Variants in ATXN1 observed in about 807,000 individuals in gnomAD.
ATXN1 encodes the protein ataxin 1.
A neutral mutation model predicts 56.4 loss-of-function variants in ATXN1; 8 were observed. The ratio of observed to expected loss-of-function variants is 0.14; its 90% CI spans 0.08 to 0.26. The LOEUF (loss-of-function observed/expected upper bound fraction) is 0.26, where lower values mean the gene tolerates loss of function less well. ATXN1 is among the 10% of genes least tolerant of loss of function. The probability of loss-of-function intolerance (pLI) is 1.00; values close to 1 mark genes in which losing one functional copy is unlikely to be tolerated. For synonymous variants in ATXN1, 514 were observed against 494.6 expected, an observed-to-expected ratio of 1.04 and a Z score of -0.52; for missense variants, 987 against 1,106.5, an observed-to-expected ratio of 0.89 and a Z score of 1.53.
At chr6:16,589,078 C>T (rs1049653349) in intron 3 of ATXN1, among the ~76,000 whole-genome samples, 2 of 152,086 alleles carry the variant, frequency 1.3e-5, no homozygotes, top group Non-Finnish European at 2.9e-5. Context: ...CTGTTCCCCC[C>T]ACACATCATC....
At chr6:16,673,020 C>CAAAAAAAAA (rs559212594) in intron 2 of ATXN1, among the ~76,000 whole-genome samples, 8 of 105,480 alleles carry the variant, frequency 7.6e-5, no homozygotes, top group East Asian at 2.5e-4. Context: ...TCCCCCCCGC[C>CAAAAAAAAA]AAAAAAAAAA....
intron 2 of ATXN1, among the ~76,000 whole-genome samples, chr6:16,742,663 C>G (rs1200788058): frequency 6.6e-6 from 1 of 152,186 alleles, no homozygotes; most frequent in Admixed American, 6.5e-5. Context: ...TCACCTACCA[C>G]CAACAGTGCA....
chr6:16,583,377 C>G (rs932715894), intron 4 of ATXN1, among the ~76,000 whole-genome samples: 2 of 152,180 alleles, frequency 1.3e-5, no homozygotes, highest in East Asian at 3.8e-4. Flanking sequence ...TTCAACGTTA[C>G]GATGGAGCCA....
intron 2 of ATXN1, among the ~76,000 whole-genome samples, chr6:16,745,786 C>G (rs1431113314): frequency 6.6e-6 from 1 of 152,072 alleles, no homozygotes; most frequent in Admixed American, 6.5e-5. Context: ...TTAGTCCTTC[C>G]CAAATTTCAA....
rs145339254 is a variant in ATXN1, at chr6:16,315,199, C to T, written c.1918-8340G>A. On this transcript the variant is annotated intron_variant, in intron 7 of 7. Transcript: ENST00000436367. ...CCAGACCTCCCGATGTGCCCCTGCC[C>T]GGTGGCCATCCCATGTTCTTCCCCA... 1.1e-4 allele frequency among the ~76,000 whole-genome samples: 17 copies of T among 152,228 alleles called. No individual in the cohort carries two copies. The South Asian group carries it at 1.9e-3, about 17-fold the overall frequency.
At chr6:16,511,953 A>C (rs150035288) in intron 5 of ATXN1, among the ~76,000 whole-genome samples, 94 of 152,254 alleles carry the variant, frequency 6.2e-4, no homozygotes, top group African/African-American at 2.1e-3. Flanking sequence ...TCTGCACCTA[A>C]GCTTATAATG....
intron 6 of ATXN1, among the ~76,000 whole-genome samples, chr6:16,357,217 TTTTTA>T (rs1309464702): frequency 2.7e-5 from 4 of 150,014 alleles, no homozygotes. Context: ...GACATTTTTA[TTTTTA>T]TTTTATTATT....
chr6:16,443,014 A>AAAAC (rs1211705264), intron 6 of ATXN1, among the ~76,000 whole-genome samples: 2 of 151,610 alleles, frequency 1.3e-5, no homozygotes, highest in African/African-American at 2.4e-5. Context: ...TTGGTCTGGA[A>AAAAC]AAACAAACAA....
At chr6:16,528,263 T>TGCA (rs1326276479) in intron 4 of ATXN1, among the ~76,000 whole-genome samples, 1 of 147,702 alleles carries the variant, frequency 6.8e-6, no homozygotes, top group Non-Finnish European at 1.5e-5. Flanking sequence ...ATCGCACCAC[T>TGCA]GCACTCCAAC....
intron 3 of ATXN1, among the ~76,000 whole-genome samples, chr6:16,647,521 G>T (rs1332364502): frequency 1.3e-5 from 2 of 152,166 alleles, no homozygotes; most frequent in Non-Finnish European, 2.9e-5. Context: ...GTAATCAGTT[G>T]TCTCAGGGCT....
chr6:16,429,675 C>T (rs767263940), intron 6 of ATXN1, among the ~76,000 whole-genome samples: 17 of 152,128 alleles, frequency 1.1e-4, no homozygotes, highest in Non-Finnish European at 2.1e-4. Context: ...ATCTCGGCCT[C>T]CCAAAATGCT....
intron 6 of ATXN1, among the ~76,000 whole-genome samples, chr6:16,467,064 T>A (rs1428848198): frequency 6.6e-6 from 1 of 152,026 alleles, no homozygotes; most frequent in Non-Finnish European, 1.5e-5. Context: ...AACAAAGGAA[T>A]GGAAATTTCA....
intron 4 of ATXN1, among the ~76,000 whole-genome samples, chr6:16,537,857 C>T (rs570432981): frequency 6.6e-6 from 1 of 152,278 alleles, no homozygotes; most frequent in South Asian, 2.1e-4. Context: ...AATACCAGCA[C>T]TTTGGGAGGC....
chr6:16,603,252 T>A (rs915637484), intron 3 of ATXN1, among the ~76,000 whole-genome samples: 1 of 152,166 alleles, frequency 6.6e-6, no homozygotes, highest in East Asian at 1.9e-4. Context: ...CCAGTTACCA[T>A]TCTCCTTTCC....
chr6:16,351,060 A>C (rs1159427102), intron 6 of ATXN1, among the ~76,000 whole-genome samples: 1 of 152,126 alleles, frequency 6.6e-6, no homozygotes, highest in Non-Finnish European at 1.5e-5. Context: ...CTGCACTCCA[A>C]CCTGGGAGAC....
At chr6:16,638,865 G>A (rs1423889064) in intron 3 of ATXN1, among the ~76,000 whole-genome samples, 1 of 152,190 alleles carries the variant, frequency 6.6e-6, no homozygotes. Context: ...TCCTAAGCAA[G>A]TAGCCCAGAT....
At chr6:16,522,779 C>A (rs1761319044) in intron 4 of ATXN1, 91 bp from the exon 5 acceptor site, 1 of 152,182 alleles carries the variant, frequency 6.6e-6, no homozygotes, top group South Asian at 2.1e-4. Context: ...ATAAGAAATT[C>A]CAGCCCCTAG....
intron 3 of ATXN1, among the ~76,000 whole-genome samples, chr6:16,623,020 T>G (rs566371572): frequency 2.6e-5 from 4 of 152,370 alleles, no homozygotes; most frequent in East Asian, 3.9e-4. Context: ...TCTATATTGC[T>G]CCTATATAGT....
At chr6:16,740,717 G>C (rs547596969) in intron 2 of ATXN1, among the ~76,000 whole-genome samples, 6 of 151,610 alleles carry the variant, frequency 4.0e-5, no homozygotes, top group Non-Finnish European at 7.4e-5. Flanking sequence ...ATTTTTTTTA[G>C]AGACAGGGTC....
Sources: allele counts gnomAD v4.1 joint callset (sites outside exome capture counted in the v4.1 genomes callset), GRCh38; gene constraint gnomAD v4.1.1; transcripts MANE v1.5; gene names NCBI Gene and HGNC (gene_info 2026-07-23, HGNC 2026-07-21).